VPS16: variants seen among roughly 807,000 people sequenced by gnomAD.
VPS16 encodes VPS16 core subunit of CORVET and HOPS complexes, also known as vacuolar protein sorting-associated protein 16 homolog.
VPS16 carries 82 observed loss-of-function variants against 116.0 expected under a neutral mutation model. That is an observed-to-expected ratio of 0.71 (90% CI 0.59 to 0.85). The LOEUF (loss-of-function observed/expected upper bound fraction) is 0.85. Ranked by LOEUF, VPS16 falls within the 40% of genes least tolerant of loss-of-function variation. The pLI is 0.00. For synonymous variants in VPS16, 406 were observed against 420.7 expected (o/e 0.96, Z 0.43); for missense variants, 928 against 1,090.6 (o/e 0.85, Z 2.10).
In VPS16 at chr20:2,861,106, G is replaced by A. The variant is rs775999383; in HGVS notation, c.753+14G>A. 26 of 1,614,054 alleles carry A rather than the reference G, an allele frequency of 1.6e-5. No individual in the cohort carries two copies. The highest frequency in any genetic ancestry group is 2.0e-5 in the Non-Finnish European group (24 of 1,180,026). ...GCATCACTCAAGGTATGATCCTGGG[G>A]CAACACAGGGGTACTGTGCCTTGTC... On this transcript the variant is annotated intron_variant, in intron 7 of 23. Transcript: ENST00000380445.
At chr20:2,861,574 C>T (rs374349431) in intron 8 of VPS16, 41 bp from the exon 9 acceptor site, 46 of 1,568,006 alleles carry the variant, frequency 2.9e-5, no homozygotes, top group Non-Finnish European at 3.9e-5. Context: ...GAGACATGGC[C>T]ATGGGACAGT....
At chr20:2,861,116 G>C in intron 7 of VPS16, 24 bp downstream of exon 7, 2 of 1,614,172 alleles carry the variant, frequency 1.2e-6, no homozygotes, top group Non-Finnish European at 1.7e-6. Context: ...GCAACACAGG[G>C]GTACTGTGCC....
chr20:2,856,792 C>G (rs2089175953), intron 1 of VPS16, among the ~76,000 whole-genome samples: 1 of 152,170 alleles, frequency 6.6e-6, no homozygotes. Context: ...TTCCTAGACG[C>G]CATCCTCTTC....
In VPS16 at chr20:2,862,642, G is replaced by A; in HGVS notation, c.1135G>A (p.Ala379Thr). The change falls in exon 12 of 24, where the codon GCC becomes ACC. Residue 379 changes from alanine (A) to threonine (T), a missense_variant. Ala to Thr is a moderately conservative substitution (Grantham distance 58). Transcript: ENST00000380445. Reference protein sequence around the residue: ...EIQELGQLTQAVQQCIEAAGH... With the variant: ...EIQELGQLTQTVQQCIEAAGH... Reference sequence around the variant, plus strand: ...CCAGGAGCTGGGCCAGCTGACCCAGGCCGTGCAGCAGTGCATTGAGGCTGC... The same window carrying A: ...CCAGGAGCTGGGCCAGCTGACCCAGACCGTGCAGCAGTGCATTGAGGCTGC... 6.2e-7 allele frequency: 1 copy of A among 1,613,394 alleles called. No homozygotes were observed. The highest frequency in any genetic ancestry group is 8.5e-7 in the Non-Finnish European group (1 of 1,179,990).
rs760221901 is a variant in VPS16 at position 2,865,118 on chromosome 20, C to T, written c.2005-30C>T. Reference sequence around the variant, plus strand: ...TGGTCTTCCCTCCTGGTCCCTCATCCCCATCATGCCTCATTATCCGGGTCC... The same window carrying T: ...TGGTCTTCCCTCCTGGTCCCTCATCTCCATCATGCCTCATTATCCGGGTCC... On this transcript the variant is annotated intron_variant, in intron 20 of 23. Transcript: ENST00000380445. The surrounding 1 kb of genome is among the most constrained non-coding windows in gnomAD (Gnocchi z 5.2). 6.2e-7 allele frequency: 1 copy of T among 1,614,132 alleles called. No individual in the cohort carries two copies. Among genetic ancestry groups the T allele is most frequent in the East Asian group, 2.2e-5 (1 of 44,890 alleles).
chr20:2,858,282 T>C (rs1478675030), intron 1 of VPS16, among the ~76,000 whole-genome samples: 1 of 152,090 alleles, frequency 6.6e-6, no homozygotes, highest in Admixed American at 6.6e-5. Context: ...AATTTTTGTA[T>C]TTTTTGTAAA....
Position 2,846,112 on chromosome 20 carries a change from CTT to C in VPS16, c.53+5306_53+5307del, listed in dbSNP as rs34440512. On this transcript the variant is annotated intron_variant, in intron 1 of 23. Coordinates refer to ENST00000380445, the MANE Select transcript of VPS16 (RefSeq NM_022575.4). ...TCTATTCAATATTTTCTGTACTCCG[CTT>C]TTTTTTTTTTTTTTTTTTTTGAGAT... Among the ~76,000 whole-genome samples the C allele has an allele frequency of 2.9e-3, 257 of 89,650 alleles. 2 individuals carry two copies. Among genetic ancestry groups the C allele is most frequent in the African/African-American group, 0.01 (212 of 20,646 alleles). 58.8% of individuals were successfully genotyped at this position (89,650 alleles called of 152,430 possible). A position where few individuals can be genotyped will look rare whatever the true frequency, so the allele number is the denominator to read the frequency against.
intron 1 of VPS16, among the ~76,000 whole-genome samples, chr20:2,846,514 T>C (rs2089061586): frequency 6.6e-6 from 1 of 152,244 alleles, no homozygotes; most frequent in Admixed American, 6.5e-5. Flanking sequence ...TAGCAGCTGA[T>C]GTACCATTTT....
At chr20:2,848,143 A>G (rs1041182135) in intron 1 of VPS16, among the ~76,000 whole-genome samples, 5 of 152,200 alleles carry the variant, frequency 3.3e-5, no homozygotes, top group African/African-American at 1.2e-4. Flanking sequence ...ACTGCTACAC[A>G]TCCACAGGCA....
chr20:2,860,225 T>G lies in VPS16; in HGVS notation c.241-14T>G. 1 of 1,613,824 alleles carries G rather than the reference T, an allele frequency of 6.2e-7. No individual in the cohort carries two copies. The highest frequency in any genetic ancestry group is 8.5e-7 in the Non-Finnish European group (1 of 1,179,938). The stretch of plus-strand genomic sequence containing the variant: ...TCACCTGAGGACAGCCTTAGGAACC[T>G]CTCTCCCCTGCAGTGGAAGAGTGGA... On this transcript the variant is annotated splice_polypyrimidine_tract_variant and intron_variant, in intron 3 of 23. Transcript: ENST00000380445. This position sits in a 1 kb window ranked among gnomAD's most constrained non-coding sequence, Gnocchi z 6.1.
chr20:2,846,767 A>G (rs545118585), intron 1 of VPS16, among the ~76,000 whole-genome samples: 1 of 152,196 alleles, frequency 6.6e-6, no homozygotes, highest in Non-Finnish European at 1.5e-5. Flanking sequence ...CTCACACCCC[A>G]GTAGACCATG....
At chr20:2,846,369 G>A (rs1420585760) in intron 1 of VPS16, among the ~76,000 whole-genome samples, 1 of 151,506 alleles carries the variant, frequency 6.6e-6, no homozygotes, top group Admixed American at 6.6e-5. Context: ...TGCCTGCCTC[G>A]GCCTCCCAAA....
At chr20:2,852,450 C>A (rs1003946073) in intron 1 of VPS16, among the ~76,000 whole-genome samples, 2 of 152,060 alleles carry the variant, frequency 1.3e-5, no homozygotes, top group African/African-American at 4.8e-5. Context: ...ATCTATTTTC[C>A]TATCAGATGT....
At chr20:2,859,902 C>T in intron 2 of VPS16, 95 bp downstream of exon 2, 2 of 1,469,782 alleles carry the variant, frequency 1.4e-6, no homozygotes, top group Non-Finnish European at 1.9e-6. Context: ...GTTCTTGTTG[C>T]CACCCCCCAC....
chr20:2,862,360 G>C, intron 11 of VPS16: 1 of 1,070,890 alleles, frequency 9.3e-7, no homozygotes. Flanking sequence ...GGTTACTATT[G>C]GGAGGAGTTC....
At chr20:2,849,607 A>AT (rs199564228) in intron 1 of VPS16, among the ~76,000 whole-genome samples, 34 of 147,954 alleles carry the variant, frequency 2.3e-4, no homozygotes, top group African/African-American at 5.6e-4. Flanking sequence ...TTGAAATAAG[A>AT]TTTTTTTTGG....
chr20:2,865,481 C>G lies in VPS16; in HGVS notation c.2257C>G (p.Pro753Ala). The G allele has an allele frequency of 6.2e-7, 1 of 1,613,988 alleles. No individual in the cohort carries two copies. The highest frequency in any genetic ancestry group is 8.5e-7 in the Non-Finnish European group (1 of 1,179,954). ...LEKFSKSKKSPIGYLPFVEIC... is the reference protein window; with the variant it reads ...LEKFSKSKKSAIGYLPFVEIC... ...GAAGTTTTCCAAGAGCAAGAAATCA[C>G]CCATTGGCTACCTGGTGAGGCAGGG... Residue 753 changes from proline (P) to alanine (A), a missense_variant, in exon 22 of 24, where the codon CCC (proline) becomes GCC (alanine). Pro to Ala is a conservative substitution (Grantham distance 27). Transcript: ENST00000380445. This position sits in a 1 kb window ranked among gnomAD's most constrained non-coding sequence, Gnocchi z 5.2.
Position 2,861,900 on chromosome 20 carries a change from G to C in VPS16, c.994+1G>C. On this transcript the variant is annotated splice_donor_variant, in intron 10 of 23. Transcript: ENST00000380445. LOFTEE classifies it high-confidence loss of function. ...CACGAGTTCCTGCATGAGGTTCCAG[G>C]TGAGGCCTTCACAAGGGCACCACAT... 1 of 1,613,344 alleles carries C rather than the reference G, an allele frequency of 6.2e-7. No individual in the cohort carries two copies. Among genetic ancestry groups the C allele is most frequent in the Non-Finnish European group, 8.5e-7 (1 of 1,179,746 alleles).
At position 2,864,728 on chromosome 20, in the gene VPS16, T is replaced by C; in HGVS notation, c.1926+74T>C. 6.7e-7 allele frequency: 1 copy of C among 1,498,176 alleles called. No individual in the cohort carries two copies. The highest frequency in any genetic ancestry group is 1.7e-5 in the Admixed American group (1 of 59,230). The allele number at this position is 1,498,176 out of a possible 1,614,324, so 92.8% of individuals were successfully genotyped here. On this transcript the variant is annotated intron_variant, in intron 19 of 23. Coordinates refer to ENST00000380445, the MANE Select transcript of VPS16 (RefSeq NM_022575.4). The surrounding 1 kb of genome is among the most constrained non-coding windows in gnomAD (Gnocchi z 5.2). Reference sequence around the variant, plus strand: ...GCTGTTGGTCCGGTTCCTTCAGGAATCTAGGCCTTCGTGTTGGGTGCACAC... The same window carrying C: ...GCTGTTGGTCCGGTTCCTTCAGGAACCTAGGCCTTCGTGTTGGGTGCACAC...
Sources: gnomAD v4.1 joint callset for allele counts (sites outside exome capture counted in the v4.1 genomes callset) on GRCh38, gnomAD v4.1.1 for gene constraint, Gnocchi (gnomAD v3.1) non-coding constraint, MANE v1.5 for transcripts, NCBI Gene and HGNC (gene_info 2026-07-23, HGNC 2026-07-21) for gene names.